The following GNB5 variants were observed in gnomAD, a reference collection of about 807,000 sequenced individuals.
The protein encoded by GNB5 is guanine nucleotide-binding protein subunit beta-5.
GNB5 carries 37 observed loss-of-function variants against 55.3 expected under a neutral mutation model. The ratio of observed to expected loss-of-function variants is 0.67; its 90% CI spans 0.51 to 0.88. The LOEUF (loss-of-function observed/expected upper bound fraction) is 0.88. Among genes scored for constraint, GNB5 ranks in the 40% least tolerant of loss-of-function variants. GNB5 has a pLI of 0.00. For missense variants in GNB5, 476 were observed against 515.3 expected (o/e 0.92, Z 0.74); for synonymous variants, 219 against 198.5 (o/e 1.10, Z -0.87).
At position 52,138,129 on chromosome 15, in the gene GNB5, T is replaced by C. The variant is rs565476121; in HGVS notation, c.628-2373A>G. Among the ~76,000 whole-genome samples, 11 of 152,210 alleles carry C rather than the reference T, an allele frequency of 7.2e-5. No individual in the cohort carries two copies. The East Asian group carries it at 1.2e-3, about 16-fold the overall frequency. ...TTGAACATAAAGAATCTCATTTTTTTCCCAGCACTTTGGGAGGCTGAGGTG... is the reference window on the plus strand; with the variant it reads ...TTGAACATAAAGAATCTCATTTTTTCCCCAGCACTTTGGGAGGCTGAGGTG... On this transcript the variant is annotated intron_variant, in intron 7 of 12. Transcript: ENST00000261837.
At chr15:52,165,151 C>G (rs1010911270) in intron 3 of GNB5, among the ~76,000 whole-genome samples, 1 of 151,730 alleles carries the variant, frequency 6.6e-6, no homozygotes, top group African/African-American at 2.4e-5. Flanking sequence ...GGCAAGCAGA[C>G]AAGAATAGAG....
rs992355234 is a variant in GNB5 at position 52,116,037 on chromosome 15, C to A, written c.*6720G>T. 1 of 152,194 alleles carries A rather than the reference C, an allele frequency of 6.6e-6. No homozygotes were observed. The highest frequency in any genetic ancestry group is 1.5e-5 in the Non-Finnish European group (1 of 68,050). 9.4% of individuals were successfully genotyped at this position (152,194 alleles called of 1,614,324 possible). A position where few individuals can be genotyped will look rare whatever the true frequency, so the allele number is the denominator to read the frequency against. Reference sequence around the variant, plus strand: ...TTCTTTGTATTCCATTCTGTGGATGCGCCATATTTTGTTCATCGATTCATC... The same window carrying A: ...TTCTTTGTATTCCATTCTGTGGATGAGCCATATTTTGTTCATCGATTCATC... On this transcript the variant is annotated 3_prime_UTR_variant, in exon 13 of 13. Coordinates refer to ENST00000261837, the MANE Select transcript of GNB5 (RefSeq NM_016194.4).
At chr15:52,161,367 G>C (rs1285862629) in intron 3 of GNB5, among the ~76,000 whole-genome samples, 1 of 152,096 alleles carries the variant, frequency 6.6e-6, no homozygotes, top group Admixed American at 6.5e-5. Context: ...GCGTGATCTT[G>C]GCTCACTGCA....
At chr15:52,180,094 G>A in intron 2 of GNB5, 1 of 418,038 alleles carries the variant, frequency 2.4e-6, no homozygotes, top group East Asian at 4.9e-5. Context: ...TGCGATGTCC[G>A]CGTCAGCCTC....
intron 7 of GNB5, chr15:52,139,828 T>C: frequency 7.9e-7 from 1 of 1,263,578 alleles, no homozygotes. Flanking sequence ...GGTGCCCCCT[T>C]TCATCCCCAA....
intron 3 of GNB5, among the ~76,000 whole-genome samples, chr15:52,160,177 A>G (rs1477510210): frequency 6.6e-6 from 1 of 151,906 alleles, no homozygotes; most frequent in Admixed American, 6.6e-5. Context: ...CGAACTCCTG[A>G]CCTCAGGAGA....
intron 8 of GNB5, 133 bp downstream of exon 8, chr15:52,135,479 TG>T: frequency 1.3e-6 from 1 of 787,566 alleles, no homozygotes; most frequent in Non-Finnish European, 2.1e-6. Flanking sequence ...GGGGGTTTAG[TG>T]GGGAGTTGAG....
Position 52,190,318 on chromosome 15 carries a change from C to G in GNB5, c.-19+1004G>C, listed in dbSNP as rs148429409. ...ATTTTTAGTAGAGATGGGGTTTCAC[C>G]GTGTTAACCAGGATGCTCTCAATCT... On this transcript the variant is annotated intron_variant, in intron 1 of 12. Transcript: ENST00000261837. Among the ~76,000 whole-genome samples the G allele has an allele frequency of 9.1e-4, 138 of 151,992 alleles. 1 individual carries two copies. Among genetic ancestry groups the G allele is most frequent in the Admixed American group, 5.9e-3 (90 of 15,256 alleles).
At chr15:52,126,115 C>T in intron 10 of GNB5, 71 bp from the exon 11 acceptor site, 1 of 741,200 alleles carries the variant, frequency 1.3e-6, no homozygotes, top group Admixed American at 2.2e-5. Flanking sequence ...CACAGAGCTA[C>T]AGGTAGGTGC....
At chr15:52,164,028 G>C (rs1006558840) in intron 3 of GNB5, among the ~76,000 whole-genome samples, 2 of 152,314 alleles carry the variant, frequency 1.3e-5, no homozygotes, top group East Asian at 3.9e-4. Context: ...AAACAGCCGG[G>C]CACGGTGGCT....
At chr15:52,130,640 A>C (rs1367289189) in intron 9 of GNB5, among the ~76,000 whole-genome samples, 2 of 152,212 alleles carry the variant, frequency 1.3e-5, no homozygotes, top group Non-Finnish European at 1.5e-5. Flanking sequence ...TCCTCAGTGC[A>C]GGAGATCGAT....
rs182879264 is a variant in GNB5, at chr15:52,147,978, T to C, written c.418-443A>G. Among the ~76,000 whole-genome samples, 95 of 152,006 alleles carry C rather than the reference T, an allele frequency of 6.2e-4. 2 individuals are homozygous for C. The highest frequency in any genetic ancestry group is 2.2e-3 in the African/African-American group (93 of 41,466). On this transcript the variant is annotated intron_variant, in intron 5 of 12. Coordinates refer to ENST00000261837, the MANE Select transcript of GNB5 (RefSeq NM_016194.4). The stretch of plus-strand genomic sequence containing the variant: ...AAAAGGAAGTGGTACGGGGTAAAGA[T>C]GGGCTCAAGACTTATGAGGGGACTC...
intron 6 of GNB5, chr15:52,147,032 C>T: frequency 5.8e-6 from 1 of 171,264 alleles, no homozygotes; most frequent in South Asian, 1.3e-4. Context: ...ACAGACATTA[C>T]CAAGTTGCTT....
chr15:52,141,032 T>A, intron 7 of GNB5, 108 bp downstream of exon 7: 1 of 852,638 alleles, frequency 1.2e-6, no homozygotes, highest in Non-Finnish European at 1.9e-6. Context: ...AGCAAACTAC[T>A]GGAGCACAGC....
At chr15:52,153,855 G>C (rs1337006454) in intron 4 of GNB5, 85 bp downstream of exon 4, 9 of 1,181,094 alleles carry the variant, frequency 7.6e-6, no homozygotes, top group Non-Finnish European at 1.1e-5. Flanking sequence ...GATCAGAAAA[G>C]GGCTTTTGGA....
chr15:52,128,530 T>C, intron 9 of GNB5: 1 of 604,314 alleles, frequency 1.7e-6, no homozygotes, highest in East Asian at 3.3e-5. Context: ...CTCAATCACA[T>C]ATCTAATTCC....
rs1348886315 is a variant in GNB5, at chr15:52,151,928, G to C, written c.376-2003C>G. The stretch of plus-strand genomic sequence containing the variant: ...CAAGGCTGAAGTGAGCTGCACTCCA[G>C]CCTGGGTAACAGAGTGAGACCCCAT... On this transcript the variant is annotated intron_variant, in intron 4 of 12. Coordinates refer to ENST00000261837, the MANE Select transcript of GNB5 (RefSeq NM_016194.4). Among the ~76,000 whole-genome samples the C allele has an allele frequency of 2.0e-5, 3 of 151,960 alleles. No individual in the cohort carries two copies. The East Asian group carries it at 5.8e-4, about 29-fold the overall frequency.
intron 3 of GNB5, among the ~76,000 whole-genome samples, chr15:52,170,964 T>TAC: frequency 6.6e-6 from 1 of 151,606 alleles, no homozygotes. Context: ...CATGGTGGTG[T>TAC]GCGACTATAA....
chr15:52,162,347 G>A (rs903643482), intron 3 of GNB5, among the ~76,000 whole-genome samples: 1 of 152,184 alleles, frequency 6.6e-6, no homozygotes, highest in Non-Finnish European at 1.5e-5. Flanking sequence ...TACATGAACT[G>A]AAAGCAAAAG....
Sources: allele counts gnomAD v4.1 joint callset (sites outside exome capture counted in the v4.1 genomes callset), GRCh38; gene constraint gnomAD v4.1.1; transcripts MANE v1.5; gene names NCBI Gene and HGNC (gene_info 2026-07-23, HGNC 2026-07-21).